The following MSRA variants were observed in gnomAD, a reference collection of about 807,000 sequenced individuals.
MSRA encodes methionine sulfoxide reductase A, also known as mitochondrial peptide methionine sulfoxide reductase.
In MSRA, 54 loss-of-function variants were observed where a neutral mutation model predicts 31.3. The ratio of observed to expected loss-of-function variants is 1.73; its 90% CI spans 1.39 to 2.17. MSRA has a LOEUF of 2.17. MSRA is among the 30% of genes most tolerant of loss of function. MSRA has a pLI of 0.00. For missense variants in MSRA, 507 were observed against 300.9 expected (o/e 1.69, Z -5.07); for synonymous variants, 169 against 116.5 (o/e 1.45, Z -2.90).
intron 5 of MSRA, among the ~76,000 whole-genome samples, chr8:10,341,766 C>G (rs1451440191): frequency 6.6e-6 from 1 of 152,192 alleles, no homozygotes. Flanking sequence ...TGACATGTGC[C>G]AAGCTCCCGA....
intron 4 of MSRA, among the ~76,000 whole-genome samples, chr8:10,313,291 C>G (rs1316058797): frequency 1.3e-5 from 2 of 152,300 alleles, no homozygotes; most frequent in East Asian, 3.9e-4. Context: ...GGTGGTGAAG[C>G]TTCTGTCAGC....
intron 1 of MSRA, among the ~76,000 whole-genome samples, chr8:10,203,233 C>A: frequency 6.6e-6 from 1 of 152,058 alleles, no homozygotes; most frequent in East Asian, 1.9e-4. Context: ...CAGCACTGCC[C>A]ACCTCTCAGT....
chr8:10,343,240 G>T (rs1046513003), intron 5 of MSRA, among the ~76,000 whole-genome samples: 3 of 152,196 alleles, frequency 2.0e-5, no homozygotes, highest in African/African-American at 7.2e-5. Context: ...AGGGATTCCA[G>T]AATCCATGGT....
chr8:10,334,188 A>ATG (rs61031081), intron 5 of MSRA, among the ~76,000 whole-genome samples: 4,922 of 136,954 alleles, frequency 0.036, 119 homozygotes, highest in East Asian at 0.088. Flanking sequence ...GTGTGTATTT[A>ATG]TGTGTGTGTG....
intron 1 of MSRA, chr8:10,095,831 G>A (rs534244411): frequency 4.0e-6 from 5 of 1,245,368 alleles, no homozygotes; most frequent in Middle Eastern, 3.2e-4. Flanking sequence ...TTTTCAAAAC[G>A]AAGCTTCCAT....
chr8:10,254,671 T>C (rs528239268), intron 3 of MSRA, among the ~76,000 whole-genome samples: 1 of 152,308 alleles, frequency 6.6e-6, no homozygotes, highest in South Asian at 2.1e-4. Flanking sequence ...CCTGGCTCAT[T>C]AGAGGTTTTG....
intron 5 of MSRA, among the ~76,000 whole-genome samples, chr8:10,350,252 A>G (rs950772257): frequency 6.6e-6 from 1 of 152,248 alleles, no homozygotes; most frequent in Admixed American, 6.5e-5. Flanking sequence ...CCCACCGTCC[A>G]TCCCCGCAGT....
intron 3 of MSRA, among the ~76,000 whole-genome samples, chr8:10,269,974 A>T (rs1014164398): frequency 1.3e-5 from 2 of 152,200 alleles, no homozygotes; most frequent in Admixed American, 6.5e-5. Flanking sequence ...TCTCTCTGTG[A>T]CCGTGGAAAA....
chr8:10,067,624 G>A (rs1176805237), intron 1 of MSRA, among the ~76,000 whole-genome samples: 1 of 152,140 alleles, frequency 6.6e-6, no homozygotes, highest in Non-Finnish European at 1.5e-5. Flanking sequence ...GTACCATTTT[G>A]CATTGCCACC....
In MSRA at chr8:10,392,890, C is replaced by CAAAAAA. The variant is rs869085304; in HGVS notation, c.544-35241_544-35236dup. 8.8e-5 allele frequency among the ~76,000 whole-genome samples: 10 copies of CAAAAAA among 113,270 alleles called. 1 individual carries two copies. The highest frequency in any genetic ancestry group is 1.2e-4 in the Non-Finnish European group (7 of 60,122). The allele number at this position is 113,270 out of a possible 152,430, so 74.3% of individuals were successfully genotyped here. On this transcript the variant is annotated intron_variant, in intron 5 of 5. Transcript: ENST00000317173. ...TAAAACCCCGTCTCTACTAAAAATG[C>CAAAAAA]AAAAAAAAAAAAAAAAAAAAAATTA...
At chr8:10,055,484 G>T (rs1802300842) in intron 1 of MSRA, among the ~76,000 whole-genome samples, 2 of 152,220 alleles carry the variant, frequency 1.3e-5, no homozygotes, top group Non-Finnish European at 2.9e-5. Flanking sequence ...TTCTCAGAGT[G>T]CCCCCACCTG....
At chr8:10,150,156 G>A (rs1030140508) in intron 1 of MSRA, among the ~76,000 whole-genome samples, 4 of 152,044 alleles carry the variant, frequency 2.6e-5, no homozygotes, top group Admixed American at 6.5e-5. Context: ...GTAATCGGCA[G>A]TGAGGGAAAA....
chr8:10,367,544 A>G (rs1805238152), intron 5 of MSRA, among the ~76,000 whole-genome samples: 2 of 152,170 alleles, frequency 1.3e-5, no homozygotes, highest in Admixed American at 1.3e-4. Context: ...TCACTGTACA[A>G]GGCATGCACT....
chr8:10,305,096 C>A (rs1176570362), intron 4 of MSRA, among the ~76,000 whole-genome samples: 1 of 152,136 alleles, frequency 6.6e-6, no homozygotes, highest in East Asian at 1.9e-4. Context: ...GATTTTAGTA[C>A]CTTTTTGTAA....
chr8:10,231,618 A>C (rs1368743481), intron 2 of MSRA, among the ~76,000 whole-genome samples: 1 of 152,186 alleles, frequency 6.6e-6, no homozygotes, highest in African/African-American at 2.4e-5. Context: ...AGAATGTGAA[A>C]AGGGTCGGGT....
At chr8:10,071,365 G>A (rs529419772) in intron 1 of MSRA, among the ~76,000 whole-genome samples, 3 of 151,952 alleles carry the variant, frequency 2.0e-5, no homozygotes, top group Non-Finnish European at 4.4e-5. Context: ...TTACTCTTCA[G>A]CGGAGTCTTT....
At chr8:10,116,975 A>G (rs1410601323) in intron 1 of MSRA, among the ~76,000 whole-genome samples, 1 of 152,152 alleles carries the variant, frequency 6.6e-6, no homozygotes, top group Non-Finnish European at 1.5e-5. Flanking sequence ...ATGGAGTTTT[A>G]TTTGGGCCAT....
At chr8:10,302,868 C>A (rs570678691) in intron 4 of MSRA, among the ~76,000 whole-genome samples, 1 of 152,074 alleles carries the variant, frequency 6.6e-6, no homozygotes, top group African/African-American at 2.4e-5. Flanking sequence ...ACCGGTAGGA[C>A]AAGAACACTC....
At chr8:10,213,701 A>C (rs1165988951) in intron 2 of MSRA, among the ~76,000 whole-genome samples, 3 of 147,186 alleles carry the variant, frequency 2.0e-5, no homozygotes, top group Non-Finnish European at 4.4e-5. Flanking sequence ...CTCCCCAGGT[A>C]CCACATTTTC....
Sources: gnomAD v4.1 joint callset for allele counts (sites outside exome capture counted in the v4.1 genomes callset) on GRCh38, gnomAD v4.1.1 for gene constraint, MANE v1.5 for transcripts, NCBI Gene and HGNC (gene_info 2026-07-23, HGNC 2026-07-21) for gene names.